The following SPATS2 variants were observed in gnomAD, a reference collection of about 807,000 sequenced individuals.
The protein encoded by SPATS2 is spermatogenesis-associated serine-rich protein 2.
A neutral mutation model predicts 63.7 loss-of-function variants in SPATS2; 38 were observed. The observed-to-expected ratio is 0.60, with a 90% confidence interval of 0.46 to 0.78. SPATS2 has a LOEUF of 0.78. Among genes scored for constraint, SPATS2 ranks in the 30% least tolerant of loss-of-function variants. SPATS2 has a pLI of 0.00. For missense variants in SPATS2, 588 were observed against 666.2 expected (o/e 0.88, Z 1.29); for synonymous variants, 207 against 232.9 (o/e 0.89, Z 1.01).
At chr12:49,374,818 G>C (rs963732491) in intron 2 of SPATS2, among the ~76,000 whole-genome samples, 2 of 151,954 alleles carry the variant, frequency 1.3e-5, no homozygotes, top group African/African-American at 4.8e-5. Flanking sequence ...AAAATTAGCC[G>C]GGTGTGTTGG....
intron 3 of SPATS2, among the ~76,000 whole-genome samples, chr12:49,464,281 A>G (rs1327212936): frequency 6.6e-6 from 1 of 152,022 alleles, no homozygotes; most frequent in Non-Finnish European, 1.5e-5. Flanking sequence ...AGGCAGGAGA[A>G]TGGCTTGAAG....
chr12:49,464,494 G>A (rs186695437), intron 3 of SPATS2, among the ~76,000 whole-genome samples: 11 of 151,602 alleles, frequency 7.3e-5, no homozygotes, highest in African/African-American at 2.7e-4. Flanking sequence ...GGGTGTGGTG[G>A]TGCATGCCTG....
intron 2 of SPATS2, among the ~76,000 whole-genome samples, chr12:49,396,597 C>G (rs1592357645): frequency 6.6e-6 from 1 of 152,218 alleles, no homozygotes; most frequent in African/African-American, 2.4e-5. Context: ...CCCTCTACCA[C>G]ATGTGTAGTA....
At chr12:49,510,096 ATT>A (rs200435044) in intron 9 of SPATS2, among the ~76,000 whole-genome samples, 6 of 143,700 alleles carry the variant, frequency 4.2e-5, no homozygotes, top group Admixed American at 7.0e-5. Context: ...CGCCTCTATA[ATT>A]TTTTTTTTTT....
At chr12:49,513,984 A>G (rs1452014090) in intron 9 of SPATS2, among the ~76,000 whole-genome samples, 2 of 152,046 alleles carry the variant, frequency 1.3e-5, no homozygotes, top group East Asian at 1.9e-4. Context: ...GTGAAACCCC[A>G]TCTCTACTAA....
intron 9 of SPATS2, among the ~76,000 whole-genome samples, chr12:49,506,858 G>A (rs950082047): frequency 4.0e-5 from 6 of 151,330 alleles, no homozygotes; most frequent in Admixed American, 2.0e-4. Flanking sequence ...AAAAAATTTC[G>A]ATTTACAGTG....
intron 2 of SPATS2, among the ~76,000 whole-genome samples, chr12:49,417,371 C>T (rs1172429074): frequency 6.6e-6 from 1 of 152,124 alleles, no homozygotes; most frequent in Non-Finnish European, 1.5e-5. Flanking sequence ...AGGGATACTC[C>T]TAAGGGAAAT....
In SPATS2 at chr12:49,516,450, G is replaced by A. The variant is rs374914545; in HGVS notation, c.898+1837G>A. ...TGGCCGGGTGCAGTGGGTCACGCCT[G>A]TAATCCCAGCACTCTGGGAGGCCGA... is the stretch of plus-strand genomic sequence containing the variant. On this transcript the variant is annotated intron_variant, in intron 10 of 13. Coordinates refer to ENST00000552918, the MANE Select transcript of SPATS2 (RefSeq NM_023071.4). Among the ~76,000 whole-genome samples the A allele has an allele frequency of 3.3e-5, 5 of 151,664 alleles. No individual in the cohort carries two copies. In the East Asian group the frequency reaches 5.8e-4, roughly 18 times the overall value.
At chr12:49,478,747 T>G (rs1327611330) in intron 3 of SPATS2, among the ~76,000 whole-genome samples, 5 of 152,212 alleles carry the variant, frequency 3.3e-5, no homozygotes, top group Non-Finnish European at 2.9e-5. Flanking sequence ...TGGTCTTTCT[T>G]TGGCCATGGT....
At chr12:49,408,368 T>C (rs1944733650) in intron 2 of SPATS2, among the ~76,000 whole-genome samples, 1 of 151,362 alleles carries the variant, frequency 6.6e-6, no homozygotes, top group Non-Finnish European at 1.5e-5. Context: ...TTCTCCTGCC[T>C]CAGTCTCCCG....
intron 2 of SPATS2, chr12:49,389,751 T>A: frequency 6.6e-7 from 1 of 1,504,338 alleles, no homozygotes; most frequent in Non-Finnish European, 9.2e-7. Flanking sequence ...AATCAGAGAA[T>A]TGCAACAAGA....
intron 2 of SPATS2, chr12:49,442,410 T>C (rs1945434996): frequency 6.5e-6 from 1 of 152,996 alleles, no homozygotes; most frequent in Admixed American, 6.5e-5. Context: ...GTATTTGATA[T>C]TAATCAAACT....
chr12:49,525,208 C>G (rs934050270), intron 13 of SPATS2, among the ~76,000 whole-genome samples: 33 of 152,296 alleles, frequency 2.2e-4, no homozygotes, highest in African/African-American at 7.9e-4. Flanking sequence ...AGACAGGCAC[C>G]ACAAGTGGCA....
intron 2 of SPATS2, among the ~76,000 whole-genome samples, chr12:49,423,923 C>G (rs992805053): frequency 6.6e-6 from 1 of 152,120 alleles, no homozygotes; most frequent in African/African-American, 2.4e-5. Flanking sequence ...AGAACTCAGA[C>G]CAGGCGCAGT....
At chr12:49,505,674 A>G (rs564411799) in intron 9 of SPATS2, among the ~76,000 whole-genome samples, 2 of 152,318 alleles carry the variant, frequency 1.3e-5, no homozygotes, top group African/African-American at 4.8e-5. Flanking sequence ...CAGTTATATT[A>G]TTGGATTTTT....
chr12:49,404,075 T>C (rs1338309673), intron 2 of SPATS2, among the ~76,000 whole-genome samples: 4 of 152,126 alleles, frequency 2.6e-5, no homozygotes, highest in East Asian at 1.9e-4. Flanking sequence ...GCTAGAGATA[T>C]CATGTTGAGC....
At chr12:49,418,188 C>T (rs755171045) in intron 2 of SPATS2, among the ~76,000 whole-genome samples, 1 of 141,014 alleles carries the variant, frequency 7.1e-6, no homozygotes, top group Non-Finnish European at 1.5e-5. Context: ...AATCATGGCT[C>T]ACTGCAGCCT....
intron 9 of SPATS2, among the ~76,000 whole-genome samples, chr12:49,502,332 A>G (rs903413912): frequency 1.3e-5 from 2 of 152,246 alleles, no homozygotes; most frequent in Non-Finnish European, 2.9e-5. Context: ...AAGTTAAATC[A>G]TCAGAACCAA....
intron 9 of SPATS2, among the ~76,000 whole-genome samples, chr12:49,511,333 A>G (rs1946750659): frequency 6.6e-6 from 1 of 152,214 alleles, no homozygotes; most frequent in African/African-American, 2.4e-5. Context: ...AGTCATCCAA[A>G]TCTATCTTTC....
Sources: allele counts gnomAD v4.1 joint callset (sites outside exome capture counted in the v4.1 genomes callset), GRCh38; gene constraint gnomAD v4.1.1; transcripts MANE v1.5; gene names NCBI Gene and HGNC (gene_info 2026-07-23, HGNC 2026-07-21).